TCF12: variants seen among roughly 807,000 people sequenced by gnomAD.
TCF12 encodes the protein DNA-binding protein HTF4.
In TCF12, 45 loss-of-function variants were observed where a neutral mutation model predicts 86.0. That is an observed-to-expected ratio of 0.52 (90% CI 0.41 to 0.67). The LOEUF is 0.67. Among genes scored for constraint, TCF12 ranks in the 30% least tolerant of loss-of-function variants. The pLI, the probability that TCF12 is intolerant of heterozygous loss-of-function variation, is 0.00. For missense variants in TCF12, 881 were observed against 859.9 expected (o/e 1.02, Z -0.31); for synonymous variants, 330 against 299.6 (o/e 1.10, Z -1.05).
intron 3 of TCF12, among the ~76,000 whole-genome samples, chr15:56,947,658 T>G (rs1595802872): frequency 6.6e-6 from 1 of 152,206 alleles, no homozygotes; most frequent in East Asian, 1.9e-4. Context: ...TTGTTTGCAG[T>G]AGAAGGTTTA....
intron 3 of TCF12, among the ~76,000 whole-genome samples, chr15:57,010,872 G>C (rs1833102613): frequency 6.6e-6 from 1 of 152,122 alleles, no homozygotes; most frequent in Non-Finnish European, 1.5e-5. Context: ...TATAATTTCT[G>C]GTAGTTCATG....
chr15:57,234,244 G>T, intron 12 of TCF12, 137 bp downstream of exon 12: 1 of 707,870 alleles, frequency 1.4e-6, no homozygotes. Context: ...AGTTATTCTC[G>T]GTTTGTATTG....
chr15:57,039,457 A>G (rs2066751632), intron 3 of TCF12, among the ~76,000 whole-genome samples: 1 of 152,102 alleles, frequency 6.6e-6, no homozygotes, highest in African/African-American at 2.4e-5. Flanking sequence ...CAGGCTATTT[A>G]TATTTTCTGA....
In TCF12 at chr15:57,197,812, G is replaced by A. The variant is rs1052549305; in HGVS notation, c.566G>A (p.Gly189Asp). The A allele has an allele frequency of 6.2e-7, 1 of 1,613,834 alleles. No homozygotes were observed. ...QAKKVRKVPP[G>D]LPSSVYAPSP... is the part of the protein sequence containing the mutation. The stretch of plus-strand genomic sequence containing the variant: ...AAAAAAGTCAGAAAGGTGCCTCCTG[G>A]TTTGCCTTCTTCTGTAAGTACCTAT... Residue 189 changes from glycine (G) to aspartate (D), a missense_variant, in exon 8 of 21, where the codon GGT becomes GAT. Transcript: ENST00000333725.
chr15:57,257,010 G>C (rs1271734487), intron 16 of TCF12, among the ~76,000 whole-genome samples: 2 of 152,202 alleles, frequency 1.3e-5, no homozygotes, highest in Non-Finnish European at 2.9e-5. Context: ...TTTGTAGGCT[G>C]TATAGTCTCT....
At chr15:57,235,298 C>T (rs2059335262) in intron 12 of TCF12, among the ~76,000 whole-genome samples, 2 of 152,208 alleles carry the variant, frequency 1.3e-5, no homozygotes, top group Admixed American at 1.3e-4. Flanking sequence ...CAAGAAAGCC[C>T]TGTAAGGTTG....
At chr15:57,144,685 G>A (rs1184057339) in intron 5 of TCF12, among the ~76,000 whole-genome samples, 2 of 152,060 alleles carry the variant, frequency 1.3e-5, no homozygotes, top group African/African-American at 4.8e-5. Context: ...TGCAACCTCC[G>A]CCTCCTGAGC....
chr15:56,997,285 A>G (rs1228570247), intron 3 of TCF12, among the ~76,000 whole-genome samples: 2 of 152,212 alleles, frequency 1.3e-5, no homozygotes, highest in Non-Finnish European at 2.9e-5. Flanking sequence ...ATGGAATACT[A>G]TGCAGCCATA....
intron 5 of TCF12, among the ~76,000 whole-genome samples, chr15:57,099,799 A>T (rs1442094893): frequency 2.0e-5 from 3 of 151,950 alleles, no homozygotes; most frequent in African/African-American, 7.2e-5. Flanking sequence ...GGGATATTCA[A>T]CAGAAGATTG....
chr15:57,146,478 GTTATCAAGTTCTAT>G (rs1321049465), intron 5 of TCF12, among the ~76,000 whole-genome samples: 8 of 152,086 alleles, frequency 5.3e-5, no homozygotes, highest in African/African-American at 1.9e-4. Context: ...TCTTAGGAGA[GTTATCAAGTTCTAT>G]TTATTTCTGT....
chr15:56,962,787 T>C (rs2061825436), intron 3 of TCF12, among the ~76,000 whole-genome samples: 1 of 152,188 alleles, frequency 6.6e-6, no homozygotes, highest in Non-Finnish European at 1.5e-5. Context: ...CTACCAGATA[T>C]TTAGAATGAT....
At chr15:57,194,569 C>T (rs1226180831) in intron 7 of TCF12, among the ~76,000 whole-genome samples, 1 of 152,204 alleles carries the variant, frequency 6.6e-6, no homozygotes, top group African/African-American at 2.4e-5. Context: ...GCATCAACCT[C>T]AGCATCTTCA....
rs559150594 is a variant in TCF12, at chr15:57,035,258, G to A, written c.149-28492G>A. On this transcript the variant is annotated intron_variant, in intron 3 of 20. Transcript: ENST00000333725. ...TTAAATGATATTGTTTCCTGAAAGA[G>A]TAATGTTATCTTATTTTATTTTAGA... is the stretch of plus-strand genomic sequence containing the variant. 1.2e-3 allele frequency among the ~76,000 whole-genome samples: 187 copies of A among 152,188 alleles called. 1 individual carries two copies. The Middle Eastern group carries it at 0.017, about 14-fold the overall frequency.
intron 5 of TCF12, among the ~76,000 whole-genome samples, chr15:57,145,836 G>A (rs1173438423): frequency 1.3e-5 from 2 of 151,398 alleles, no homozygotes; most frequent in African/African-American, 4.9e-5. Flanking sequence ...CTGCGTGATA[G>A]TTGAGGGTAG....
intron 8 of TCF12, among the ~76,000 whole-genome samples, chr15:57,202,991 AC>A (rs1223047869): frequency 4.6e-5 from 7 of 152,234 alleles, no homozygotes; most frequent in African/African-American, 1.7e-4. Flanking sequence ...TGAAAAGCAA[AC>A]AAAAAAAAGT....
chr15:57,188,706 A>C (rs765990615), intron 6 of TCF12, among the ~76,000 whole-genome samples: 3 of 152,230 alleles, frequency 2.0e-5, no homozygotes, highest in Admixed American at 2.0e-4. Flanking sequence ...TATTATCTTC[A>C]ATATATGGGA....
intron 16 of TCF12, among the ~76,000 whole-genome samples, chr15:57,261,833 C>T (rs578027254): frequency 3.9e-4 from 60 of 152,122 alleles, no homozygotes; most frequent in African/African-American, 1.4e-3. Flanking sequence ...CAAACACCCT[C>T]TGTGGGATTT....
At chr15:57,242,862 G>C (rs532772220) in intron 12 of TCF12, among the ~76,000 whole-genome samples, 1 of 152,294 alleles carries the variant, frequency 6.6e-6, no homozygotes, top group Non-Finnish European at 1.5e-5. Flanking sequence ...CTTGGAAACA[G>C]TTTTTGAAGC....
intron 16 of TCF12, among the ~76,000 whole-genome samples, chr15:57,256,410 G>T (rs1416605108): frequency 6.6e-6 from 1 of 152,040 alleles, no homozygotes; most frequent in Non-Finnish European, 1.5e-5. Context: ...GATTTTGGGG[G>T]CATGTTTTTG....
Sources: gnomAD v4.1 joint callset for allele counts (sites outside exome capture counted in the v4.1 genomes callset) on GRCh38, gnomAD v4.1.1 for gene constraint, MANE v1.5 for transcripts, NCBI Gene and HGNC (gene_info 2026-07-23, HGNC 2026-07-21) for gene names.